Variants in TMEM132D observed in about 807,000 individuals in gnomAD.
TMEM132D encodes transmembrane protein 132D.
Under a neutral mutation model 62.3 loss-of-function variants are expected in TMEM132D, and 21 were observed. That is an observed-to-expected ratio of 0.34 (90% confidence interval 0.24 to 0.49). The LOEUF (loss-of-function observed/expected upper bound fraction) is 0.49. Ranked by LOEUF, TMEM132D falls within the 20% of genes least tolerant of loss-of-function variation. The pLI is 0.99. For synonymous variants in TMEM132D, 621 were observed against 575.6 expected, an observed-to-expected ratio of 1.08 and a Z score of -1.13; for missense variants, 1,346 against 1,402.8, an observed-to-expected ratio of 0.96 and a Z score of 0.65.
chr12:129,582,870 C>A (rs1877913885), intron 2 of TMEM132D, among the ~76,000 whole-genome samples: 1 of 152,110 alleles, frequency 6.6e-6, no homozygotes, highest in African/African-American at 2.4e-5. Context: ...GGTGATCCAC[C>A]CACCTCGGCC....
chr12:129,406,606 C>T (rs576264353), intron 3 of TMEM132D, among the ~76,000 whole-genome samples: 2 of 146,322 alleles, frequency 1.4e-5, no homozygotes, highest in Non-Finnish European at 3.0e-5. Flanking sequence ...GGCAACAGAG[C>T]GAGACTCCAC....
chr12:129,813,004 C>T (rs1462330010), intron 1 of TMEM132D, among the ~76,000 whole-genome samples: 6 of 151,800 alleles, frequency 4.0e-5, no homozygotes, highest in East Asian at 3.9e-4. Context: ...GCATTTATCC[C>T]GACTCCTGCG....
chr12:129,643,126 T>C (rs1879686430), intron 2 of TMEM132D, among the ~76,000 whole-genome samples: 1 of 152,128 alleles, frequency 6.6e-6, no homozygotes, highest in South Asian at 2.1e-4. Flanking sequence ...AGTTTTACCA[T>C]GTTGACCAGG....
chr12:129,468,893 T>A lies in TMEM132D; in HGVS notation c.1115+62166A>T, dbSNP rs146936942. On this transcript the variant is annotated intron_variant, in intron 3 of 8. Coordinates refer to ENST00000422113, the MANE Select transcript of TMEM132D (RefSeq NM_133448.3). ...TTTTTAAAATCAGGCTTCTTCCAGA[T>A]GGAAACAGATGTTTTGGTTTCTTGA... 4.7e-3 allele frequency among the ~76,000 whole-genome samples: 718 copies of A among 152,352 alleles called. 1 individual carries two copies. The highest frequency in any genetic ancestry group is 7.2e-3 in the Non-Finnish European group (490 of 68,040).
At chr12:129,622,392 T>A (rs1345414554) in intron 2 of TMEM132D, among the ~76,000 whole-genome samples, 1 of 152,140 alleles carries the variant, frequency 6.6e-6, no homozygotes, top group African/African-American at 2.4e-5. Context: ...CACTAGGGAA[T>A]CCTTGGATAT....
intron 2 of TMEM132D, among the ~76,000 whole-genome samples, chr12:129,546,849 T>G (rs1458147993): frequency 6.6e-6 from 1 of 152,118 alleles, no homozygotes; most frequent in East Asian, 1.9e-4. Flanking sequence ...TAGCTACCAT[T>G]GTAAGGAGAA....
intron 7 of TMEM132D, among the ~76,000 whole-genome samples, 187 bp from the exon 8 acceptor site, chr12:129,078,912 A>AT (rs1874364156): frequency 6.6e-6 from 1 of 152,034 alleles, no homozygotes; most frequent in Admixed American, 6.5e-5. Context: ...AATGTAATGC[A>AT]TTTTTTGCAT....
chr12:129,480,233 G>T (rs1301899124), intron 3 of TMEM132D, among the ~76,000 whole-genome samples: 1 of 152,256 alleles, frequency 6.6e-6, no homozygotes, highest in East Asian at 1.9e-4. Context: ...AGCTGCAGAG[G>T]GGTGCAGGGG....
chr12:129,272,297 G>A (rs370289309), intron 4 of TMEM132D, among the ~76,000 whole-genome samples: 5 of 151,894 alleles, frequency 3.3e-5, no homozygotes, highest in South Asian at 4.1e-4. Flanking sequence ...AGTAAGTTGT[G>A]TGTGCATCAA....
In TMEM132D at chr12:129,081,741, T is replaced by A. The variant is rs1293607016; in HGVS notation, c.1923+18A>T. ...GACAGAGAGATCTTGATTTGGGGAT[T>A]TTTTTTTTTTTTTTTACCTGAATGG... is the stretch of plus-strand genomic sequence containing the variant. On this transcript the variant is annotated intron_variant, in intron 7 of 8. Coordinates refer to ENST00000422113, the MANE Select transcript of TMEM132D (RefSeq NM_133448.3). The A allele has an allele frequency of 2.0e-5, 5 of 252,066 alleles. No individual in the cohort carries two copies. Among genetic ancestry groups the A allele is most frequent in the Non-Finnish European group, 2.3e-5 (4 of 171,084 alleles). 15.6% of individuals were successfully genotyped at this position (252,066 alleles called of 1,614,324 possible).
At chr12:129,647,142 A>G (rs560667306) in intron 2 of TMEM132D, among the ~76,000 whole-genome samples, 238 of 143,492 alleles carry the variant, frequency 1.7e-3, no homozygotes, top group African/African-American at 5.5e-3. Flanking sequence ...ATATATATAT[A>G]CTCACAAACA....
In TMEM132D at chr12:129,078,592, C is replaced by T. The variant is rs1555227875; in HGVS notation, c.2057G>A (p.Ser686Asn). The change falls in exon 8 of 9, where the codon AGC becomes AAC. Residue 686 changes from serine (S) to asparagine (N), a missense_variant. Transcript: ENST00000422113. ...TGCAGTGGCAAAGATGGCCCTGTTG[C>T]TTCCTGGGCTGAGCTGCAAGGAGAG... The part of the protein sequence containing the change: ...LSLSLQLSPG[S>N]NRAIFATAVA... 4 of 1,614,176 alleles carry T rather than the reference C, an allele frequency of 2.5e-6. No homozygotes were observed. The highest frequency in any genetic ancestry group is 2.2e-5 in the East Asian group (1 of 44,866).
intron 3 of TMEM132D, among the ~76,000 whole-genome samples, chr12:129,341,842 A>G (rs1489943215): frequency 6.6e-6 from 1 of 152,146 alleles, no homozygotes; most frequent in East Asian, 1.9e-4. Flanking sequence ...CAAAGAGAAT[A>G]AAATACCTAG....
At chr12:129,469,408 A>C (rs903673221) in intron 3 of TMEM132D, among the ~76,000 whole-genome samples, 1 of 152,204 alleles carries the variant, frequency 6.6e-6, no homozygotes, top group African/African-American at 2.4e-5. Context: ...CTCCATAACT[A>C]CTGAATCAGA....
At chr12:129,508,577 G>A (rs1013005393) in intron 3 of TMEM132D, among the ~76,000 whole-genome samples, 20 of 152,096 alleles carry the variant, frequency 1.3e-4, no homozygotes, top group African/African-American at 4.3e-4. Flanking sequence ...CCTCATGACC[G>A]TAGGAAAATT....
At chr12:129,739,253 C>T (rs751793408) in intron 1 of TMEM132D, among the ~76,000 whole-genome samples, 1 of 152,170 alleles carries the variant, frequency 6.6e-6, no homozygotes, top group Non-Finnish European at 1.5e-5. Context: ...ACAAGAATCG[C>T]TTCAACACAC....
At chr12:129,528,066 C>T (rs1449161032) in intron 3 of TMEM132D, among the ~76,000 whole-genome samples, 1 of 152,194 alleles carries the variant, frequency 6.6e-6, no homozygotes, top group Non-Finnish European at 1.5e-5. Flanking sequence ...CTAATTAACA[C>T]TGCTTCTTTT....
chr12:129,741,981 C>T (rs1291924239), intron 1 of TMEM132D, among the ~76,000 whole-genome samples: 1 of 152,086 alleles, frequency 6.6e-6, no homozygotes, highest in Admixed American at 6.6e-5. Flanking sequence ...AACTTATTCC[C>T]AAACTAACAA....
rs75579356 is a variant in TMEM132D at position 129,185,041 on chromosome 12, C to T, written c.1443+24479G>A. 2.7e-3 allele frequency among the ~76,000 whole-genome samples: 418 copies of T among 152,290 alleles called. 2 individuals are homozygous for T. The highest frequency in any genetic ancestry group is 9.4e-3 in the African/African-American group (389 of 41,548). On this transcript the variant is annotated intron_variant, in intron 5 of 8. Transcript: ENST00000422113. ...AAATCTCAAGTCTAAAATCAATTATCGTGAGCCGAGCTGAACCTGCGCTGA... is the reference window on the plus strand; with the variant it reads ...AAATCTCAAGTCTAAAATCAATTATTGTGAGCCGAGCTGAACCTGCGCTGA...
Sources: gnomAD v4.1 joint callset for allele counts (sites outside exome capture counted in the v4.1 genomes callset) on GRCh38, gnomAD v4.1.1 for gene constraint, MANE v1.5 for transcripts, NCBI Gene and HGNC (gene_info 2026-07-23, HGNC 2026-07-21) for gene names.